The following GPBP1L1 variants were observed in gnomAD, a reference collection of about 807,000 sequenced individuals.
GPBP1L1 encodes vasculin-like protein 1.
GPBP1L1 carries 23 observed loss-of-function variants against 52.5 expected under a neutral mutation model. The ratio of observed to expected loss-of-function variants is 0.44; its 90% CI spans 0.32 to 0.62. The LOEUF is 0.62. Among genes scored for constraint, GPBP1L1 ranks in the 20% least tolerant of loss-of-function variants. The probability of loss-of-function intolerance (pLI) is 0.06; values close to 1 mark genes in which losing one functional copy is unlikely to be tolerated. For synonymous variants in GPBP1L1, 243 were observed against 203.1 expected (o/e 1.20, Z -1.67); for missense variants, 596 against 579.3 (o/e 1.03, Z -0.30).
intron 2 of GPBP1L1, among the ~76,000 whole-genome samples, chr1:45,661,663 T>G (rs1644948584): frequency 6.6e-6 from 1 of 152,104 alleles, no homozygotes; most frequent in Non-Finnish European, 1.5e-5. Context: ...CACTATGTTG[T>G]CCAGGCTGGT....
chr1:45,630,247 G>C (rs534844207), intron 11 of GPBP1L1, among the ~76,000 whole-genome samples: 1 of 152,162 alleles, frequency 6.6e-6, no homozygotes, highest in Non-Finnish European at 1.5e-5. Flanking sequence ...CACTGCGCCC[G>C]GCCTGAAGTT....
rs765543554 is a variant in GPBP1L1 at position 45,629,577 on chromosome 1, T to G, written c.1271A>C (p.Gln424Pro). ...ELKEFHMKTE[Q>P]LRRNGFGKNG... Reference sequence around the variant, plus strand: ...CTAGGAAGAAGGTTTACAACATACCTGCTCTGTCTTCATGTGGAACTCTTT... The same window carrying G: ...CTAGGAAGAAGGTTTACAACATACCGGCTCTGTCTTCATGTGGAACTCTTT... The change falls in exon 12 of 13, where the codon CAG becomes CCG. Residue 424 changes from glutamine to proline, a missense_variant and splice_region_variant. By Grantham distance (76) the Gln-to-Pro change is moderately conservative. Coordinates refer to ENST00000355105, the MANE Select transcript of GPBP1L1 (RefSeq NM_021639.5). The G allele has an allele frequency of 1.9e-6, 3 of 1,581,476 alleles. No homozygotes were observed. The highest frequency in any genetic ancestry group is 2.6e-6 in the Non-Finnish European group (3 of 1,152,790).
intron 2 of GPBP1L1, among the ~76,000 whole-genome samples, chr1:45,667,931 G>A (rs1247105632): frequency 6.6e-6 from 1 of 152,128 alleles, no homozygotes; most frequent in East Asian, 1.9e-4. Context: ...TAGAGACGGA[G>A]TTTCACCATG....
chr1:45,633,851 G>C, intron 9 of GPBP1L1: 1 of 661,980 alleles, frequency 1.5e-6, no homozygotes, highest in South Asian at 2.2e-5. Context: ...GCACCTCTTT[G>C]ATCTTTCTAC....
chr1:45,681,918 C>A (rs1310747379), intron 2 of GPBP1L1, among the ~76,000 whole-genome samples: 1 of 152,178 alleles, frequency 6.6e-6, no homozygotes, highest in Admixed American at 6.5e-5. Flanking sequence ...TCACAGAAAG[C>A]GGCCCAAATC....
chr1:45,685,139 T>C (rs1645263772), intron 2 of GPBP1L1, among the ~76,000 whole-genome samples: 1 of 152,114 alleles, frequency 6.6e-6, no homozygotes, highest in Non-Finnish European at 1.5e-5. Context: ...ATACCTAAAG[T>C]ATGTTTTCAC....
In GPBP1L1 at chr1:45,660,141, CAT is replaced by C. The variant is rs1417687342; in HGVS notation, c.-56+41_-56+42del. 29 of 969,442 alleles carry C rather than the reference CAT, an allele frequency of 3.0e-5. 1 individual carries two copies. The highest frequency in any genetic ancestry group is 9.5e-5 in the South Asian group (2 of 20,970). The allele number at this position is 969,442 out of a possible 1,614,324, so 60.1% of individuals were successfully genotyped here. On this transcript the variant is annotated intron_variant, in intron 3 of 12. Transcript: ENST00000355105. ...GTCGGTATTTTTCATGATGCATATA[CAT>C]AGAGTCTTCTTTCCAAGTTAGACAT... is the stretch of plus-strand genomic sequence containing the variant.
chr1:45,679,944 C>T (rs1267942350), intron 2 of GPBP1L1, among the ~76,000 whole-genome samples: 1 of 134,564 alleles, frequency 7.4e-6, no homozygotes, highest in African/African-American at 2.8e-5. Context: ...CACTTGTATT[C>T]CCAGCAGGGC....
At chr1:45,655,518 C>G (rs1412936077) in intron 4 of GPBP1L1, 199 bp from the exon 5 acceptor site, 2 of 467,760 alleles carry the variant, frequency 4.3e-6, no homozygotes, top group Admixed American at 7.8e-5. Flanking sequence ...ATTGCTAATT[C>G]ACTTCCTTTA....
intron 4 of GPBP1L1, 163 bp from the exon 5 acceptor site, chr1:45,655,482 T>C (rs2148472431): frequency 1.5e-6 from 1 of 671,120 alleles, no homozygotes; most frequent in Non-Finnish European, 2.5e-6. Context: ...GTGCCTAATT[T>C]AGAGAAGTCC....
At position 45,657,728 on chromosome 1, in the gene GPBP1L1, C is replaced by T. The variant is rs74454752; in HGVS notation, c.60+1300G>A. ...GTTAGCTGGGCATGGTGGTGCTCAC[C>T]TGTAGTACCAGCTACTCTAGAGACT... On this transcript the variant is annotated intron_variant, in intron 4 of 12. Transcript: ENST00000355105. Among the ~76,000 whole-genome samples the T allele has an allele frequency of 3.1e-3, 465 of 152,230 alleles. 4 individuals are homozygous for T. The highest frequency in any genetic ancestry group is 0.022 in the East Asian group (116 of 5,182).
intron 12 of GPBP1L1, 76 bp from the exon 13 acceptor site, chr1:45,628,484 GC>G: frequency 7.1e-7 from 1 of 1,408,834 alleles, no homozygotes; most frequent in Non-Finnish European, 9.7e-7. Context: ...CCTGGGAAAG[GC>G]CAGGCCTCAA....
intron 8 of GPBP1L1, among the ~76,000 whole-genome samples, chr1:45,637,825 C>T (rs1185932816): frequency 6.6e-6 from 1 of 152,074 alleles, no homozygotes; most frequent in Non-Finnish European, 1.5e-5. Context: ...CATTTATTGG[C>T]ACTTATTATA....
At position 45,652,420 on chromosome 1, in the gene GPBP1L1, A is replaced by G. The variant is rs556919444; in HGVS notation, c.477+2123T>C. On this transcript the variant is annotated intron_variant, in intron 6 of 12. Transcript: ENST00000355105. Reference sequence around the variant, plus strand: ...ATGAAGTTTCTAATCAAACTATGCTAATCAGTAGCATACTACCCAGTTTAA... The same window carrying G: ...ATGAAGTTTCTAATCAAACTATGCTGATCAGTAGCATACTACCCAGTTTAA... Among the ~76,000 whole-genome samples the G allele has an allele frequency of 1.4e-4, 21 of 152,328 alleles. No homozygotes were observed. The South Asian group carries it at 3.9e-3, about 29-fold the overall frequency.
intron 6 of GPBP1L1, among the ~76,000 whole-genome samples, chr1:45,649,714 T>C (rs1446275143): frequency 6.6e-6 from 1 of 152,208 alleles, no homozygotes; most frequent in Non-Finnish European, 1.5e-5. Context: ...TGTACACATA[T>C]AAAATATACT....
At chr1:45,677,341 G>GA (rs35311976) in intron 2 of GPBP1L1, among the ~76,000 whole-genome samples, 3,776 of 117,408 alleles carry the variant, frequency 0.032, 139 homozygotes, top group African/African-American at 0.099. Context: ...TTCGTCTCAG[G>GA]AAAAAAAAAA....
chr1:45,634,048 G>T, intron 9 of GPBP1L1, 48 bp downstream of exon 9: 1 of 1,540,488 alleles, frequency 6.5e-7, no homozygotes, highest in Non-Finnish European at 8.8e-7. Context: ...CTAAGTGAAC[G>T]GGAAATGGCA....
intron 2 of GPBP1L1, among the ~76,000 whole-genome samples, chr1:45,675,770 G>T (rs1279528180): frequency 6.6e-6 from 1 of 152,056 alleles, no homozygotes; most frequent in African/African-American, 2.4e-5. Flanking sequence ...CAAACTCCTG[G>T]AGTCAAGCAA....
chr1:45,658,744 A>C (rs1644912470), intron 4 of GPBP1L1: 1 of 384,396 alleles, frequency 2.6e-6, no homozygotes, highest in Admixed American at 4.4e-5. Flanking sequence ...AGCCTGGGCA[A>C]CATGGTGAAA....
Sources: gnomAD v4.1 joint callset for allele counts (sites outside exome capture counted in the v4.1 genomes callset) on GRCh38, gnomAD v4.1.1 for gene constraint, MANE v1.5 for transcripts, NCBI Gene and HGNC (gene_info 2026-07-23, HGNC 2026-07-21) for gene names.